ATP1A3: variants seen among roughly 807,000 people sequenced by gnomAD.
ATP1A3 encodes ATPase Na+/K+ transporting subunit alpha 3, also known as sodium/potassium-transporting ATPase subunit alpha-3.
In ATP1A3, 12 loss-of-function variants were observed where a neutral mutation model predicts 108.8. That is an observed-to-expected ratio of 0.11 (90% confidence interval 0.07 to 0.18). The LOEUF is 0.18. Among genes scored for constraint, ATP1A3 ranks in the 10% least tolerant of loss-of-function variants. ATP1A3 has a pLI of 1.00. For synonymous variants in ATP1A3, 539 were observed against 564.5 expected, an observed-to-expected ratio of 0.95 and a Z score of 0.64; for missense variants, 498 against 1,387.7, an observed-to-expected ratio of 0.36 and a Z score of 10.19.
chr19:41,975,815 A>G lies in ATP1A3; in HGVS notation c.2095-18T>C. 1 of 1,613,904 alleles carries G rather than the reference A, an allele frequency of 6.2e-7. No homozygotes were observed. Among genetic ancestry groups the G allele is most frequent in the Non-Finnish European group, 8.5e-7 (1 of 1,179,918 alleles). On this transcript the variant is annotated intron_variant, in intron 15 of 22. Coordinates refer to ENST00000648268, the MANE Select transcript of ATP1A3 (RefSeq NM_152296.5). ...ATTGCACCCTGGAGGGAGAGAGGGT[A>G]AGGATGACACCCAGAGGCCAGTCCC...
intron 4 of ATP1A3, chr19:41,986,640 A>G: frequency 4.0e-6 from 1 of 248,136 alleles, no homozygotes; most frequent in Non-Finnish European, 7.9e-6. Context: ...ATGGGGCTTC[A>G]CCATGTTGGC....
chr19:41,988,551 A>C lies in ATP1A3; in HGVS notation c.18T>G (p.Asp6Glu), dbSNP rs782107485. Residue 6 changes from aspartate to glutamate, a missense_variant, in exon 2 of 23, where the codon GAT (aspartate) becomes GAG (glutamate). Coordinates refer to ENST00000648268, the MANE Select transcript of ATP1A3 (RefSeq NM_152296.5). This position sits in a 1 kb window ranked among gnomAD's most constrained non-coding sequence, Gnocchi z 5.3. ...TGTTCTTCTTGGGTGAGTCCTTGTC[A>C]TCTTTCTTGTCCTGCGAGGTGGCGA... Reference protein sequence around the residue: MGDKKDDKDSPKKNKG... With the variant: MGDKKEDKDSPKKNKG... 4 of 1,614,060 alleles carry C rather than the reference A, an allele frequency of 2.5e-6. No homozygotes were observed. The South Asian group carries it at 4.4e-5, about 18-fold the overall frequency.
In ATP1A3 at chr19:41,983,961, G is replaced by A. The variant is rs577429533; in HGVS notation, c.993+957C>T. Reference sequence around the variant, plus strand: ...GGCTAATTTTTATACTTTTAGTAGAGATGGGGTTTTGCCATGTTGGCCAGT... The same window carrying A: ...GGCTAATTTTTATACTTTTAGTAGAAATGGGGTTTTGCCATGTTGGCCAGT... On this transcript the variant is annotated intron_variant, in intron 8 of 22. Transcript: ENST00000648268. Among the ~76,000 whole-genome samples the A allele has an allele frequency of 4.2e-3, 636 of 151,518 alleles. 9 individuals carry two copies. Among genetic ancestry groups the A allele is most frequent in the Admixed American group, 9.0e-3 (137 of 15,140 alleles).
intron 1 of ATP1A3, among the ~76,000 whole-genome samples, chr19:41,989,463 C>G (rs569717904): frequency 6.6e-6 from 1 of 151,384 alleles, no homozygotes; most frequent in South Asian, 2.1e-4. Context: ...GGACTACAGG[C>G]GCCCGCCACT....
intron 11 of ATP1A3, among the ~76,000 whole-genome samples, chr19:41,979,009 T>C (rs1457172949): frequency 2.0e-5 from 3 of 151,914 alleles, no homozygotes; most frequent in Non-Finnish European, 4.4e-5. Flanking sequence ...TTTTCTTTTT[T>C]CTTTTTTTTT....
chr19:41,970,879 T>G (rs541747676), intron 16 of ATP1A3, among the ~76,000 whole-genome samples: 103 of 151,850 alleles, frequency 6.8e-4, no homozygotes, highest in South Asian at 3.7e-3. Context: ...TGATCTGCCC[T>G]CCTCGGCCTC....
chr19:41,967,415 CGCAGAGGGGCA>C lies in ATP1A3; in HGVS notation c.2922-86_2922-76del. 10 of 1,492,900 alleles carry C rather than the reference CGCAGAGGGGCA, an allele frequency of 6.7e-6. 1 individual carries two copies. The South Asian group carries it at 1.1e-4, about 17-fold the overall frequency. The allele number at this position is 1,492,900 out of a possible 1,614,324, so 92.5% of individuals were successfully genotyped here. On this transcript the variant is annotated intron_variant, in intron 21 of 22. Transcript: ENST00000648268. The surrounding 1 kb of genome is among the most constrained non-coding windows in gnomAD (Gnocchi z 4.2). ...CAGAGTTTCAGGGGACTGGAGGGGACGCAGAGGGGCAGTCTCCCAGGATCCTTCGTGCTCAC... is the reference window on the plus strand; with the variant it reads ...CAGAGTTTCAGGGGACTGGAGGGGACGTCTCCCAGGATCCTTCGTGCTCAC...
At position 41,986,196 on chromosome 19, in the gene ATP1A3, T is replaced by C; in HGVS notation, c.391A>G (p.Ile131Val). 6.2e-7 allele frequency: 1 copy of C among 1,613,986 alleles called. No individual in the cohort carries two copies. Among genetic ancestry groups the C allele is most frequent in the Non-Finnish European group, 8.5e-7 (1 of 1,179,996 alleles). The change falls in exon 5 of 23, where the codon ATC becomes GTC. Residue 131 changes from isoleucine (I) to valine (V), a missense_variant. Ile to Val is a conservative substitution (Grantham distance 29). This residue lies in a region of ATP1A3 where 127 missense variants were observed against 464.0 expected (regional missense o/e 0.27). Transcript: ENST00000648268. ...TAGTAGGAGAAGCAGCCAGTGATGATCACCACGGCCGCCAGCACGATGCCC... is the reference window on the plus strand; with the variant it reads ...TAGTAGGAGAAGCAGCCAGTGATGACCACCACGGCCGCCAGCACGATGCCC... ...YLGIVLAAVV[I>V]ITGCFSYYQE... is the part of the protein sequence containing the mutation.
rs1555863323 is a variant in ATP1A3 at position 41,981,557 on chromosome 19, C to T, written c.1382G>A (p.Arg461His). The T allele has an allele frequency of 1.2e-6, 2 of 1,614,198 alleles. No individual in the cohort carries two copies. Among genetic ancestry groups the T allele is most frequent in the Non-Finnish European group, 1.7e-6 (2 of 1,180,044 alleles). ...ELSSGSVKLM[R>H]ERNKKVAEIP... ...CTCAGCCACTTTCTTGTTGCGTTCA[C>T]GCATCAGCTTCACGGAGCCAGAGGA... The change falls in exon 11 of 23, where the codon CGT becomes CAT. Residue 461 changes from arginine (R) to histidine (H), a missense_variant. Around this residue, in one of 9 missense-constraint regions of ATP1A3, gnomAD observed 92 missense variants for 168.7 expected, o/e 0.55. Transcript: ENST00000648268. This position sits in a 1 kb window ranked among gnomAD's most constrained non-coding sequence, Gnocchi z 5.0.
At chr19:41,983,131 G>A (rs2075251390) in intron 8 of ATP1A3, among the ~76,000 whole-genome samples, 1 of 151,758 alleles carries the variant, frequency 6.6e-6, no homozygotes, top group South Asian at 2.1e-4. Context: ...AGGCTGGAGT[G>A]CAGTGGCTCG....
intron 16 of ATP1A3, among the ~76,000 whole-genome samples, 168 bp from the exon 17 acceptor site, chr19:41,970,710 C>T (rs964869682): frequency 2.0e-5 from 3 of 149,018 alleles, no homozygotes; most frequent in East Asian, 3.9e-4. Flanking sequence ...CGGCTCACTG[C>T]AGGCTCCGCC....
Position 41,985,825 on chromosome 19 carries a change from C to A in ATP1A3, c.606+39G>T, listed in dbSNP as rs1456420500. On this transcript the variant is annotated intron_variant, in intron 6 of 22. Transcript: ENST00000648268. This position sits in a 1 kb window ranked among gnomAD's most constrained non-coding sequence, Gnocchi z 8.2. ...GGCTGGGCCTGAGCTCCTGGGCAGC[C>A]CGAGGGAGGGTAAAGCCGGGCCCTA... The A allele has an allele frequency of 1.2e-6, 2 of 1,610,980 alleles. No individual in the cohort carries two copies. The highest frequency in any genetic ancestry group is 2.7e-5 in the African/African-American group (2 of 74,854).
chr19:41,981,717 C>A lies in ATP1A3; in HGVS notation c.1302+5G>T. On this transcript the variant is annotated splice_donor_5th_base_variant and intron_variant, in intron 10 of 22. Coordinates refer to ENST00000648268, the MANE Select transcript of ATP1A3 (RefSeq NM_152296.5). The surrounding 1 kb of genome is among the most constrained non-coding windows in gnomAD (Gnocchi z 5.0). The stretch of plus-strand genomic sequence containing the variant: ...GGCCGAGGTGAGGCCAGTAGCTGAA[C>A]CCACCTTGAGCACAGGGATGTTGTC... The A allele has an allele frequency of 6.2e-7, 1 of 1,614,196 alleles. No homozygotes were observed. The highest frequency in any genetic ancestry group is 8.5e-7 in the Non-Finnish European group (1 of 1,180,034).
rs372113820 is a variant in ATP1A3 at position 41,988,440 on chromosome 19, C to T, written c.93+36G>A. 6.2e-7 allele frequency: 1 copy of T among 1,614,086 alleles called. No homozygotes were observed. The highest frequency in any genetic ancestry group is 1.3e-5 in the African/African-American group (1 of 74,936). On this transcript the variant is annotated intron_variant, in intron 2 of 22. Transcript: ENST00000648268. The surrounding 1 kb of genome is among the most constrained non-coding windows in gnomAD (Gnocchi z 5.3). ...AGGCCAGCCAAGAACTGGCGAGGTT[C>T]TCTGGGAGGGTGTGCGGGCAGAGGG...
At chr19:41,991,199 C>T (rs1555867216) in intron 1 of ATP1A3, among the ~76,000 whole-genome samples, 3 of 152,200 alleles carry the variant, frequency 2.0e-5, no homozygotes, top group Admixed American at 6.5e-5. Context: ...AAGCTGGGAT[C>T]GGAGGCTCAG....
In ATP1A3 at chr19:41,985,905, C is replaced by T; in HGVS notation, c.565G>A (p.Val189Met). ...DLVEIKGGDR[V>M]PADLRIISAH... Reference sequence around the variant, plus strand: ...GAGATGATCCGCAGGTCAGCTGGCACTCGGTCTCCACCCTTGATCTCCACC... The same window carrying T: ...GAGATGATCCGCAGGTCAGCTGGCATTCGGTCTCCACCCTTGATCTCCACC... The change falls in exon 6 of 23, where the codon GTG becomes ATG. Residue 189 changes from valine to methionine, a missense_variant. This residue lies in a region of ATP1A3 where 127 missense variants were observed against 464.0 expected (regional missense o/e 0.27). Coordinates refer to ENST00000648268, the MANE Select transcript of ATP1A3 (RefSeq NM_152296.5). This position sits in a 1 kb window ranked among gnomAD's most constrained non-coding sequence, Gnocchi z 8.2. 1 of 1,614,030 alleles carries T rather than the reference C, an allele frequency of 6.2e-7. No individual in the cohort carries two copies. Among genetic ancestry groups the T allele is most frequent in the Non-Finnish European group, 8.5e-7 (1 of 1,179,982 alleles).
chr19:41,967,811 C>T lies in ATP1A3; in HGVS notation c.2820-48G>A. On this transcript the variant is annotated intron_variant, in intron 20 of 22. Coordinates refer to ENST00000648268, the MANE Select transcript of ATP1A3 (RefSeq NM_152296.5). The surrounding 1 kb of genome is among the most constrained non-coding windows in gnomAD (Gnocchi z 4.2). The stretch of plus-strand genomic sequence containing the variant: ...CTGGGCCCAGAGAGCACCCACCCTG[C>T]ACCTGCCACCCCGCAGAGACAGGGG... 4 of 1,552,474 alleles carry T rather than the reference C, an allele frequency of 2.6e-6. No individual in the cohort carries two copies. The highest frequency in any genetic ancestry group is 1.1e-5 in the South Asian group (1 of 88,542).
chr19:41,976,255 C>A (rs552239800), intron 15 of ATP1A3, among the ~76,000 whole-genome samples, 161 bp downstream of exon 15: 230 of 150,700 alleles, frequency 1.5e-3, no homozygotes, highest in Admixed American at 4.9e-3. Context: ...GCCCCCTCCT[C>A]CCTCAGACCC....
chr19:41,970,788 C>A (rs569380911), intron 16 of ATP1A3, among the ~76,000 whole-genome samples: 1 of 151,766 alleles, frequency 6.6e-6, no homozygotes. Context: ...CCTGCCACCA[C>A]GCCCGGCTAA....
Sources: gnomAD v4.1 joint callset for allele counts (sites outside exome capture counted in the v4.1 genomes callset) on GRCh38, gnomAD v4.1.1 for gene constraint, gnomAD v4.1.1 regional missense constraint, Gnocchi (gnomAD v3.1) non-coding constraint, MANE v1.5 for transcripts, NCBI Gene and HGNC (gene_info 2026-07-23, HGNC 2026-07-21) for gene names.